The following RRP12 variants were observed in gnomAD, a reference collection of about 807,000 sequenced individuals.
RRP12 encodes RRP12-like protein.
A neutral mutation model predicts 157.3 loss-of-function variants in RRP12; 78 were observed. That is an observed-to-expected ratio of 0.50 (90% CI 0.41 to 0.60). The LOEUF is 0.60. RRP12 is among the 20% of genes least tolerant of loss of function. The probability of loss-of-function intolerance (pLI) is 0.00; values close to 1 mark genes in which losing one functional copy is unlikely to be tolerated. For missense variants in RRP12, 1,521 were observed against 1,679.9 expected, an observed-to-expected ratio of 0.91 and a Z score of 1.65; for synonymous variants, 726 against 670.9, an observed-to-expected ratio of 1.08 and a Z score of -1.27.
intron 30 of RRP12, among the ~76,000 whole-genome samples, chr10:97,362,005 G>T (rs1304860333): frequency 1.3e-5 from 2 of 151,846 alleles, no homozygotes; most frequent in Non-Finnish European, 2.9e-5. Context: ...TACTCAGGAG[G>T]CTGAGGCAGG....
At chr10:97,367,643 C>G (rs777804120) in intron 25 of RRP12, among the ~76,000 whole-genome samples, 2 of 152,202 alleles carry the variant, frequency 1.3e-5, no homozygotes, top group African/African-American at 2.4e-5. Flanking sequence ...TCCTCTTAAG[C>G]CTTCATCTGG....
intron 30 of RRP12, among the ~76,000 whole-genome samples, chr10:97,360,901 C>G (rs1231139412): frequency 5.9e-5 from 9 of 152,242 alleles, no homozygotes; most frequent in African/African-American, 2.2e-4. Context: ...CCCACCCAGG[C>G]CTGCAATTGC....
intron 8 of RRP12, among the ~76,000 whole-genome samples, chr10:97,386,408 G>A (rs550148782): frequency 1.3e-5 from 2 of 151,738 alleles, no homozygotes; most frequent in Admixed American, 1.3e-4. Context: ...TGCCCAAGCT[G>A]GTCTCAAATT....
rs1055203260 is a variant in RRP12, at chr10:97,370,773, G to A, written c.2526C>T (p.His842=). ...AKRPRLKCLL[H]IVRKLSAEHK... ...GTTCAGCTGAGAGCTTCCTCACGATGTGTAGGAGGCACTTCAAACGGGGCT... is the reference window on the plus strand; with the variant it reads ...GTTCAGCTGAGAGCTTCCTCACGATATGTAGGAGGCACTTCAAACGGGGCT... Residue 842 remains histidine, a synonymous_variant, in exon 22 of 34, where the codon CAC becomes CAT. Transcript: ENST00000370992. 3.1e-6 allele frequency: 5 copies of A among 1,613,998 alleles called. No homozygotes were observed. Among genetic ancestry groups the A allele is most frequent in the African/African-American group, 2.7e-5 (2 of 74,912 alleles).
intron 15 of RRP12, among the ~76,000 whole-genome samples, chr10:97,376,720 C>T (rs75351022): frequency 0.021 from 3,139 of 152,076 alleles, 37 homozygotes; most frequent in Middle Eastern, 0.034. Context: ...CATCCCCCAA[C>T]GGTAACAACC....
rs759082819 is a variant in RRP12, at chr10:97,400,440, G to A, written c.234C>T (p.Pro78=). 4 of 1,614,148 alleles carry A rather than the reference G, an allele frequency of 2.5e-6. No homozygotes were observed. The highest frequency in any genetic ancestry group is 3.4e-6 in the Non-Finnish European group (4 of 1,180,030). The change falls in exon 2 of 34, where the codon CCC becomes CCT. Residue 78 remains proline (P), a synonymous_variant. Transcript: ENST00000370992. ...RLGKSEAPET[P]MEEEAELVLT... ...GAACCAGCTCCGCCTCTTCTTCCAT[G>A]GGCGTCTCCGGGGCTTCGCTTTTGC...
chr10:97,359,805 T>C (rs1262402098), intron 31 of RRP12, among the ~76,000 whole-genome samples: 2 of 152,164 alleles, frequency 1.3e-5, no homozygotes, highest in Non-Finnish European at 2.9e-5. Context: ...TCAGCATCAC[T>C]CCATCCCAGG....
Position 97,384,965 on chromosome 10 carries a change from C to T in RRP12, c.1208+201G>A, listed in dbSNP as rs376018778. On this transcript the variant is annotated intron_variant, in intron 10 of 33. Coordinates refer to ENST00000370992, the MANE Select transcript of RRP12 (RefSeq NM_015179.4). ...GCCAGGATGAAGACCCTGAGGACCC[C>T]CCACCTCAGCAGCCTGGACAGAGGC... 8.9e-5 allele frequency among the ~76,000 whole-genome samples: 13 copies of T among 146,532 alleles called. No homozygotes were observed. In the East Asian group the frequency reaches 2.5e-3, roughly 28 times the overall value.
chr10:97,379,720 C>T lies in RRP12; in HGVS notation c.1584G>A (p.Thr528=), dbSNP rs142299009. The change falls in exon 14 of 34, where the codon ACG becomes ACA. Residue 528 remains threonine, a synonymous_variant. Coordinates refer to ENST00000370992, the MANE Select transcript of RRP12 (RefSeq NM_015179.4). ...DLRLSPHFPH[T]AALDQAVGAA... is the part of the protein sequence containing the mutation. ...CCCCCACTGCCTGGTCAAGAGCCGC[C>T]GTGTGGGGGAAATGAGGGGAGAGGC... 3.4e-5 allele frequency: 55 copies of T among 1,613,738 alleles called. No homozygotes were observed. The highest frequency in any genetic ancestry group is 4.5e-5 in the East Asian group (2 of 44,862).
At chr10:97,357,740 C>G (rs1286459525) in intron 33 of RRP12, among the ~76,000 whole-genome samples, 1 of 150,856 alleles carries the variant, frequency 6.6e-6, no homozygotes, top group East Asian at 2.0e-4. Context: ...GGGCAGATCA[C>G]AAGGTCAGGG....
Position 97,393,693 on chromosome 10 carries a change from A to G in RRP12, c.521T>C (p.Val174Ala), listed in dbSNP as rs778395243. ...LAAVAYLLNL[V>A]LKRVPSPVLI... ...AGGAGGCAGAACTCACCGCTTCAGG[A>G]CAAGGTTCAGCAGGTAAGCAACGGC... Residue 174 changes from valine (V) to alanine (A), a missense_variant, in exon 4 of 34, where the codon GTC becomes GCC. Physicochemically the swap from Val to Ala is moderately conservative, Grantham distance 64 (BLOSUM62 0). Transcript: ENST00000370992. The G allele has an allele frequency of 1.9e-6, 3 of 1,614,058 alleles. No individual in the cohort carries two copies. In the South Asian group the frequency reaches 3.3e-5, roughly 18 times the overall value.
In RRP12 at chr10:97,400,324, T is replaced by G. The variant is rs201596788; in HGVS notation, c.350A>C (p.Asn117Thr). The G allele has an allele frequency of 1.1e-5, 17 of 1,613,888 alleles. 1 individual carries two copies. In the Middle Eastern group the frequency reaches 4.9e-4, roughly 47 times the overall value. The change falls in exon 2 of 34, where the codon AAC (asparagine) becomes ACC (threonine). Residue 117 changes from asparagine (N) to threonine (T), a missense_variant. Transcript: ENST00000370992. The stretch of plus-strand genomic sequence containing the variant: ...CCCTACCTCCTTGTGGGCAGCCGAG[T>G]TGGACTCCCAGAAGCGCTGTACTTT... ...FSKVQRFWES[N>T]SAAHKEICAV... is the part of the protein sequence containing the mutation.
At chr10:97,394,555 A>C (rs2133096325) in intron 3 of RRP12, among the ~76,000 whole-genome samples, 1 of 152,108 alleles carries the variant, frequency 6.6e-6, no homozygotes, top group East Asian at 1.9e-4. Flanking sequence ...AAGCTTGGCT[A>C]ATTATTTTAT....
chr10:97,390,366 C>T, intron 6 of RRP12, 57 bp downstream of exon 6: 1 of 1,360,940 alleles, frequency 7.3e-7, no homozygotes, highest in South Asian at 1.2e-5. Context: ...CTGGGCTGCA[C>T]TGGGCTGAGT....
chr10:97,369,493 G>A lies in RRP12; in HGVS notation c.2887C>T (p.Leu963=), dbSNP rs1844079492. Residue 963 remains leucine (L), a synonymous_variant, in exon 25 of 34, where the codon CTG becomes TTG. Transcript: ENST00000370992. ...GTCACTGCCACCTTGATGAAGCCCA[G>A]TGCAGACTTGACCACGTCACGGGTG... ...SRTRDVVKSA[L]GFIKVAVTVM... is the part of the protein sequence containing the mutation. 6.2e-7 allele frequency: 1 copy of A among 1,610,024 alleles called. No individual in the cohort carries two copies. Among genetic ancestry groups the A allele is most frequent in the Non-Finnish European group, 8.5e-7 (1 of 1,178,276 alleles).
Position 97,381,745 on chromosome 10 carries a change from T to C in RRP12, c.1290A>G (p.Gln430=). ...GGCTCTGCGTAGCAGCAGTCAGCAC[T>C]TGCGAGTGTGGGGAAAGGAGGCAGG... ...AVTCLLSPHS[Q]VLTAATQSLK... is the part of the protein sequence containing the mutation. Residue 430 remains glutamine, a synonymous_variant, in exon 11 of 34, where the codon CAA becomes CAG. Coordinates refer to ENST00000370992, the MANE Select transcript of RRP12 (RefSeq NM_015179.4). 6.2e-7 allele frequency: 1 copy of C among 1,614,176 alleles called. No homozygotes were observed. Among genetic ancestry groups the C allele is most frequent in the Non-Finnish European group, 8.5e-7 (1 of 1,180,006 alleles).
At chr10:97,363,077 G>A (rs2135001253) in intron 30 of RRP12, among the ~76,000 whole-genome samples, 1 of 152,320 alleles carries the variant, frequency 6.6e-6, no homozygotes, top group African/African-American at 2.4e-5. Flanking sequence ...GGACCCCAGA[G>A]TCTGCCGCTT....
At chr10:97,368,321 C>T (rs1382076265) in intron 25 of RRP12, among the ~76,000 whole-genome samples, 6 of 148,046 alleles carry the variant, frequency 4.1e-5, no homozygotes, top group Admixed American at 2.0e-4. Context: ...TGTGAGCCAC[C>T]GCTCCTGGCC....
At chr10:97,400,223 A>C in intron 2 of RRP12, 82 bp downstream of exon 2, 7 of 991,318 alleles carry the variant, frequency 7.1e-6, no homozygotes, top group Non-Finnish European at 1.1e-5. Flanking sequence ...TTGTCATCGG[A>C]GACCTGTCGG....
Sources: gnomAD v4.1 joint callset for allele counts (sites outside exome capture counted in the v4.1 genomes callset) on GRCh38, gnomAD v4.1.1 for gene constraint, MANE v1.5 for transcripts, NCBI Gene and HGNC (gene_info 2026-07-23, HGNC 2026-07-21) for gene names.